The following LRRC20 variants were observed in gnomAD, a reference collection of about 807,000 sequenced individuals.
The protein encoded by LRRC20 is leucine-rich repeat-containing protein 20.
A neutral mutation model predicts 14.4 loss-of-function variants in LRRC20; 11 were observed. The ratio of observed to expected loss-of-function variants is 0.77; its 90% CI spans 0.48 to 1.27. The LOEUF is 1.27. LRRC20 is among the 50% of genes most tolerant of loss of function. The probability of loss-of-function intolerance (pLI) is 0.00; values close to 1 mark genes in which losing one functional copy is unlikely to be tolerated. For missense variants in LRRC20, 219 were observed against 251.2 expected (o/e 0.87, Z 0.87); for synonymous variants, 121 against 107.3 (o/e 1.13, Z -0.79).
intron 2 of LRRC20, among the ~76,000 whole-genome samples, chr10:70,362,056 A>G (rs1048305800): frequency 1.1e-4 from 17 of 152,120 alleles, no homozygotes; most frequent in Non-Finnish European, 2.1e-4. Context: ...ATAGTGATAC[A>G]CGCCTGTAAT....
chr10:70,382,147 G>T (rs1844729352), intron 1 of LRRC20, among the ~76,000 whole-genome samples: 1 of 152,252 alleles, frequency 6.6e-6, no homozygotes, highest in Admixed American at 6.5e-5. Flanking sequence ...TCCCCAGAGC[G>T]GAAGCAAACC....
chr10:70,317,207 G>T (rs977113417), intron 4 of LRRC20, among the ~76,000 whole-genome samples: 7 of 152,216 alleles, frequency 4.6e-5, no homozygotes, highest in Admixed American at 6.5e-5. Context: ...GGTCAGGATT[G>T]AGCAGAGTTT....
At chr10:70,374,169 C>T (rs1034158297) in intron 2 of LRRC20, among the ~76,000 whole-genome samples, 4 of 152,166 alleles carry the variant, frequency 2.6e-5, no homozygotes, top group African/African-American at 9.7e-5. Flanking sequence ...ACACCCCTGC[C>T]ACTGCCTGGA....
intron 1 of LRRC20, among the ~76,000 whole-genome samples, chr10:70,378,996 G>A (rs1190307778): frequency 6.6e-6 from 1 of 152,046 alleles, no homozygotes; most frequent in East Asian, 1.9e-4. Flanking sequence ...ATTGACCTGT[G>A]GGCAGCTTGG....
chr10:70,339,575 C>A (rs1043933860), intron 3 of LRRC20, among the ~76,000 whole-genome samples: 1 of 152,144 alleles, frequency 6.6e-6, no homozygotes, highest in Admixed American at 6.5e-5. Context: ...CCACTCCACT[C>A]GTTCACAAAC....
chr10:70,306,257 T>C (rs961194133), intron 4 of LRRC20, among the ~76,000 whole-genome samples: 1 of 151,998 alleles, frequency 6.6e-6, no homozygotes, highest in African/African-American at 2.4e-5. Flanking sequence ...CAGTTAAGGG[T>C]TCCAGGTATT....
intron 2 of LRRC20, among the ~76,000 whole-genome samples, chr10:70,363,916 G>A (rs1843860567): frequency 1.3e-5 from 2 of 152,160 alleles, no homozygotes; most frequent in Admixed American, 1.3e-4. Flanking sequence ...CAGTCCCCCT[G>A]GGAGAGCAGC....
chr10:70,348,419 G>A (rs6480454), intron 2 of LRRC20, among the ~76,000 whole-genome samples: 17,908 of 152,264 alleles, frequency 0.12, 1,922 homozygotes, highest in African/African-American at 0.28. Context: ...GGAGCAATAT[G>A]CTGTATGCCA....
chr10:70,344,528 T>TA (rs144727655), intron 2 of LRRC20, among the ~76,000 whole-genome samples: 9,125 of 151,402 alleles, frequency 0.06, 880 homozygotes, highest in African/African-American at 0.2. Flanking sequence ...CTGACCAATA[T>TA]AAAAAAAAAG....
chr10:70,347,352 G>T (rs1026880271), intron 2 of LRRC20, among the ~76,000 whole-genome samples: 3 of 152,026 alleles, frequency 2.0e-5, no homozygotes, highest in African/African-American at 7.3e-5. Context: ...TGCTTACAAC[G>T]GAGGAAGAAG....
chr10:70,358,920 T>C (rs998247162), intron 2 of LRRC20, among the ~76,000 whole-genome samples: 10 of 152,144 alleles, frequency 6.6e-5, no homozygotes, highest in Admixed American at 4.6e-4. Flanking sequence ...GCTCTGAACA[T>C]AGTTACACCC....
intron 2 of LRRC20, among the ~76,000 whole-genome samples, chr10:70,341,945 G>C (rs1842930080): frequency 6.6e-6 from 1 of 152,168 alleles, no homozygotes; most frequent in South Asian, 2.1e-4. Flanking sequence ...ACGGAAAGTA[G>C]ATTAGCCAAG....
intron 4 of LRRC20, among the ~76,000 whole-genome samples, chr10:70,309,863 C>A (rs2136888099): frequency 6.6e-6 from 1 of 152,392 alleles, no homozygotes; most frequent in East Asian, 1.9e-4. Flanking sequence ...CAGGAAGACC[C>A]ACTGCAGCCC....
chr10:70,354,901 A>G (rs994075240), intron 2 of LRRC20, among the ~76,000 whole-genome samples: 35 of 152,266 alleles, frequency 2.3e-4, no homozygotes, highest in Non-Finnish European at 4.1e-4. Flanking sequence ...TTCTTATCCC[A>G]GCCCCTCCAC....
chr10:70,376,590 C>G lies in LRRC20; in HGVS notation c.-57G>C, dbSNP rs555581691. The G allele has an allele frequency of 3.9e-6, 6 of 1,555,366 alleles. No homozygotes were observed. In the African/African-American group the frequency reaches 5.4e-5, roughly 14 times the overall value. ...GGCTGGTCTGCTTCTCACAAAAGGG[C>G]CTGAGCCTGGGGAAGACGCAGTGCC... On this transcript the variant is annotated 5_prime_UTR_variant, in exon 2 of 5. Coordinates refer to ENST00000446961, the MANE Select transcript of LRRC20 (RefSeq NM_001278212.2).
intron 2 of LRRC20, among the ~76,000 whole-genome samples, chr10:70,369,072 A>T (rs1844152611): frequency 1.3e-5 from 2 of 152,208 alleles, no homozygotes; most frequent in African/African-American, 4.8e-5. Flanking sequence ...TTGTTTCTTT[A>T]ACTCAAGACA....
chr10:70,315,187 G>A (rs933571250), intron 4 of LRRC20, among the ~76,000 whole-genome samples: 6 of 152,184 alleles, frequency 3.9e-5, no homozygotes, highest in East Asian at 1.9e-4. Flanking sequence ...ACTAGTGCAC[G>A]GGACAATGCC....
chr10:70,341,787 A>G (rs1842924023), intron 2 of LRRC20, among the ~76,000 whole-genome samples: 1 of 152,156 alleles, frequency 6.6e-6, no homozygotes, highest in Non-Finnish European at 1.5e-5. Flanking sequence ...AAAATTTTTA[A>G]AAAAGAAATG....
chr10:70,318,696 G>C (rs916323125), intron 4 of LRRC20, among the ~76,000 whole-genome samples: 1 of 151,706 alleles, frequency 6.6e-6, no homozygotes, highest in Non-Finnish European at 1.5e-5. Flanking sequence ...TGAGGTTGCA[G>C]TGAGCCAAGA....
Sources: gnomAD v4.1 joint callset for allele counts (sites outside exome capture counted in the v4.1 genomes callset) on GRCh38, gnomAD v4.1.1 for gene constraint, MANE v1.5 for transcripts, NCBI Gene and HGNC (gene_info 2026-07-23, HGNC 2026-07-21) for gene names.